Variants in KLHL2 observed in about 807,000 individuals in gnomAD.
KLHL2 encodes kelch like family member 2, also known as kelch-like protein 2.
A neutral mutation model predicts 75.8 loss-of-function variants in KLHL2; 15 were observed. The ratio of observed to expected loss-of-function variants is 0.20; its 90% CI spans 0.13 to 0.30. The LOEUF (loss-of-function observed/expected upper bound fraction) is 0.30. Ranked by LOEUF, KLHL2 falls within the 10% of genes least tolerant of loss-of-function variation. KLHL2 has a pLI of 1.00. For missense variants in KLHL2, 381 were observed against 741.0 expected (o/e 0.51, Z 5.64); for synonymous variants, 214 against 251.9 (o/e 0.85, Z 1.42).
chr4:165,233,938 A>G (rs1321881054), intron 3 of KLHL2, among the ~76,000 whole-genome samples: 2 of 152,228 alleles, frequency 1.3e-5, no homozygotes, highest in African/African-American at 4.8e-5. Flanking sequence ...AATTTCATCA[A>G]GAATCTTCTT....
chr4:165,311,831 G>A (rs984571062), intron 11 of KLHL2, among the ~76,000 whole-genome samples: 1 of 151,568 alleles, frequency 6.6e-6, no homozygotes, highest in African/African-American at 2.4e-5. Context: ...GTGTGTGTGT[G>A]TGTGTGTGTG....
At chr4:165,252,609 A>G (rs1364654860) in intron 4 of KLHL2, 4 of 152,248 alleles carry the variant, frequency 2.6e-5, no homozygotes, top group East Asian at 3.8e-4. Flanking sequence ...ATCATAGCCA[A>G]TGAGGTTTAT....
chr4:165,234,795 T>G (rs1739196659), intron 3 of KLHL2, among the ~76,000 whole-genome samples: 1 of 151,762 alleles, frequency 6.6e-6, no homozygotes, highest in Non-Finnish European at 1.5e-5. Flanking sequence ...ATATATGTGT[T>G]CTTACACTTT....
chr4:165,280,028 T>C (rs575602084), intron 5 of KLHL2, among the ~76,000 whole-genome samples: 2 of 152,286 alleles, frequency 1.3e-5, no homozygotes, highest in East Asian at 3.9e-4. Context: ...CTTTCTGGTA[T>C]TTAGAACTCT....
intron 5 of KLHL2, among the ~76,000 whole-genome samples, chr4:165,288,178 G>T (rs28495546): frequency 0.04 from 6,134 of 152,106 alleles, 262 homozygotes; most frequent in East Asian, 0.11. Flanking sequence ...TAATTTTTGT[G>T]TATGGCGTAT....
intron 5 of KLHL2, among the ~76,000 whole-genome samples, chr4:165,271,835 C>A (rs1742721408): frequency 6.6e-6 from 1 of 152,178 alleles, no homozygotes; most frequent in African/African-American, 2.4e-5. Context: ...CTTTAATAGG[C>A]TCTAGAACTG....
At chr4:165,259,469 A>T (rs1469246795) in intron 4 of KLHL2, among the ~76,000 whole-genome samples, 1 of 152,220 alleles carries the variant, frequency 6.6e-6, no homozygotes, top group Non-Finnish European at 1.5e-5. Context: ...TAAAATCATT[A>T]TGCACATTTT....
intron 2 of KLHL2, among the ~76,000 whole-genome samples, chr4:165,223,289 G>C (rs1738157926): frequency 6.6e-6 from 1 of 152,230 alleles, no homozygotes. Flanking sequence ...CCCTCTGAGT[G>C]TCTAGAGAGC....
At chr4:165,246,214 G>C (rs1421942725) in intron 4 of KLHL2, among the ~76,000 whole-genome samples, 4 of 152,136 alleles carry the variant, frequency 2.6e-5, no homozygotes. Flanking sequence ...TAAGTTTGGC[G>C]TGTTTTATGG....
intron 5 of KLHL2, among the ~76,000 whole-genome samples, chr4:165,268,110 T>C: frequency 6.6e-6 from 1 of 152,236 alleles, no homozygotes; most frequent in Non-Finnish European, 1.5e-5. Flanking sequence ...GAGGAATTTA[T>C]AGTATTCTCT....
intron 8 of KLHL2, among the ~76,000 whole-genome samples, chr4:165,300,548 C>G (rs1057439487): frequency 2.0e-5 from 3 of 152,092 alleles, no homozygotes; most frequent in Non-Finnish European, 4.4e-5. Flanking sequence ...TGTTTATATT[C>G]TACCTTGGTC....
At chr4:165,256,660 C>G (rs1477953760) in intron 4 of KLHL2, among the ~76,000 whole-genome samples, 1 of 152,202 alleles carries the variant, frequency 6.6e-6, no homozygotes, top group African/African-American at 2.4e-5. Context: ...TCTTTACTTG[C>G]TTCTCCCTGA....
chr4:165,214,661 A>G (rs1412817113), intron 1 of KLHL2, among the ~76,000 whole-genome samples: 7 of 152,166 alleles, frequency 4.6e-5, no homozygotes, highest in Non-Finnish European at 7.4e-5. Flanking sequence ...TGAGTTCTCC[A>G]GAGAGAATAG....
At chr4:165,320,571 G>A (rs1746894962) in intron 14 of KLHL2, among the ~76,000 whole-genome samples, 1 of 152,122 alleles carries the variant, frequency 6.6e-6, no homozygotes, top group Non-Finnish European at 1.5e-5. Context: ...GAACCTTAAA[G>A]TTTCATTATA....
Position 165,289,775 on chromosome 4 carries a change from C to G in KLHL2, c.545-4584C>G, listed in dbSNP as rs546327092. Among the ~76,000 whole-genome samples the G allele has an allele frequency of 3.3e-5, 5 of 152,038 alleles. No individual in the cohort carries two copies. In the South Asian group the frequency reaches 1.0e-3, roughly 32 times the overall value. On this transcript the variant is annotated intron_variant, in intron 5 of 14. Coordinates refer to ENST00000226725, the MANE Select transcript of KLHL2 (RefSeq NM_007246.4). ...GGCTTTTTAGCAAGTCCATTTTTTT[C>G]TGGTCAGTGAAGCAGAGACTAAGAT...
chr4:165,266,947 C>A (rs931428081), intron 5 of KLHL2, among the ~76,000 whole-genome samples: 1 of 151,972 alleles, frequency 6.6e-6, no homozygotes, highest in Non-Finnish European at 1.5e-5. Flanking sequence ...TCTTCCTATC[C>A]ATGAGCATGG....
chr4:165,215,442 A>T (rs1219746186), intron 1 of KLHL2, among the ~76,000 whole-genome samples: 1 of 152,200 alleles, frequency 6.6e-6, no homozygotes, highest in Non-Finnish European at 1.5e-5. Flanking sequence ...ACAGCAGAGA[A>T]ATAGAAGAAA....
chr4:165,256,146 A>G (rs1352394542), intron 4 of KLHL2, among the ~76,000 whole-genome samples: 1 of 151,996 alleles, frequency 6.6e-6, no homozygotes, highest in East Asian at 1.9e-4. Flanking sequence ...ACAGATGCTA[A>G]TTGTTTGGCT....
intron 14 of KLHL2, among the ~76,000 whole-genome samples, chr4:165,318,523 G>A (rs978798429): frequency 1.1e-4 from 16 of 152,038 alleles, no homozygotes; most frequent in Non-Finnish European, 1.6e-4. Flanking sequence ...TAATGTTTCT[G>A]TAACAAAATT....
Sources: allele counts gnomAD v4.1 joint callset (sites outside exome capture counted in the v4.1 genomes callset), GRCh38; gene constraint gnomAD v4.1.1; transcripts MANE v1.5; gene names NCBI Gene and HGNC (gene_info 2026-07-23, HGNC 2026-07-21).